TSPAN3: variants seen among roughly 807,000 people sequenced by gnomAD.
TSPAN3 encodes tetraspanin-3.
Under a neutral mutation model 31.1 loss-of-function variants are expected in TSPAN3, and 9 were observed. The ratio of observed to expected loss-of-function variants is 0.29; its 90% CI spans 0.17 to 0.50. TSPAN3 has a LOEUF of 0.50. Among genes scored for constraint, TSPAN3 ranks in the 20% least tolerant of loss-of-function variants. The probability of loss-of-function intolerance (pLI) is 0.98; values close to 1 mark genes in which losing one functional copy is unlikely to be tolerated. For missense variants in TSPAN3, 252 were observed against 313.5 expected (o/e 0.80, Z 1.48); for synonymous variants, 129 against 114.3 (o/e 1.13, Z -0.82).
intron 5 of TSPAN3, 23 bp from the exon 6 acceptor site, chr15:77,052,491 C>G (rs781412202): frequency 3.1e-6 from 5 of 1,604,218 alleles, no homozygotes; most frequent in Non-Finnish European, 4.3e-6. Context: ...CAGTCATCCT[C>G]GTTAGAAGTG....
intron 3 of TSPAN3, 185 bp downstream of exon 3, chr15:77,055,604 T>A (rs1257752367): frequency 1.8e-6 from 1 of 551,884 alleles, no homozygotes; most frequent in Non-Finnish European, 3.2e-6. Flanking sequence ...CACTCTGCTA[T>A]ATTAAATGAG....
At chr15:77,051,685 GAA>G (rs76151770) in intron 6 of TSPAN3, among the ~76,000 whole-genome samples, 3 of 137,800 alleles carry the variant, frequency 2.2e-5, no homozygotes, top group African/African-American at 2.7e-5. Flanking sequence ...CCCATTTCTG[GAA>G]AAAAAAAAAA....
chr15:77,053,145 T>A (rs1450141628), intron 4 of TSPAN3, among the ~76,000 whole-genome samples: 1 of 152,122 alleles, frequency 6.6e-6, no homozygotes, highest in Non-Finnish European at 1.5e-5. Flanking sequence ...AACTGCATTT[T>A]AAATTTTAAT....
At position 77,054,077 on chromosome 15, in the gene TSPAN3, T is replaced by C. The variant is rs75579386; in HGVS notation, c.432+101A>G. 2.2e-3 allele frequency: 1,847 copies of C among 822,748 alleles called. 24 individuals are homozygous for C. In the African/African-American group the frequency reaches 0.029, roughly 13 times the overall value. 51.0% of individuals were successfully genotyped at this position (822,748 alleles called of 1,614,324 possible). A position where few individuals can be genotyped will look rare whatever the true frequency, so the allele number is the denominator to read the frequency against. ...TTGGTCACATCAGGATAGCCATGTA[T>C]GTGAAGAAACATGGCTAATTTACAC... is the stretch of plus-strand genomic sequence containing the variant. On this transcript the variant is annotated intron_variant, in intron 4 of 6. Coordinates refer to ENST00000267970, the MANE Select transcript of TSPAN3 (RefSeq NM_005724.6).
At chr15:77,062,853 G>C (rs906724976) in intron 1 of TSPAN3, among the ~76,000 whole-genome samples, 1 of 152,148 alleles carries the variant, frequency 6.6e-6, no homozygotes, top group African/African-American at 2.4e-5. Flanking sequence ...TTTTCTTAAA[G>C]CATCATTTAA....
At chr15:77,048,046 G>A (rs2076705922) in intron 6 of TSPAN3, among the ~76,000 whole-genome samples, 1 of 152,024 alleles carries the variant, frequency 6.6e-6, no homozygotes, top group Non-Finnish European at 1.5e-5. Context: ...CTGCCCATTC[G>A]GGATATATAT....
intron 4 of TSPAN3, among the ~76,000 whole-genome samples, chr15:77,053,426 C>A (rs2076744615): frequency 2.0e-5 from 2 of 100,190 alleles, no homozygotes; most frequent in Admixed American, 1.5e-4. Context: ...CCAGCCTGGG[C>A]AACAAGAGTG....
At chr15:77,048,986 T>C (rs888092391) in intron 6 of TSPAN3, among the ~76,000 whole-genome samples, 1 of 152,204 alleles carries the variant, frequency 6.6e-6, no homozygotes, top group African/African-American at 2.4e-5. Flanking sequence ...TCATACATTC[T>C]GATACTGTAA....
chr15:77,062,154 C>T (rs1190812027), intron 1 of TSPAN3, among the ~76,000 whole-genome samples: 1 of 152,098 alleles, frequency 6.6e-6, no homozygotes, highest in Admixed American at 6.5e-5. Context: ...TTTCATATAC[C>T]TCTTTTCTCT....
At chr15:77,049,677 TTTTC>T (rs1202909237) in intron 6 of TSPAN3, among the ~76,000 whole-genome samples, 1 of 152,190 alleles carries the variant, frequency 6.6e-6, no homozygotes, top group Non-Finnish European at 1.5e-5. Flanking sequence ...TTTTTCAGGT[TTTTC>T]TTTCTTGGTC....
intron 1 of TSPAN3, among the ~76,000 whole-genome samples, chr15:77,056,597 TTTGCTCACTACAG>T (rs930596193): frequency 9.2e-5 from 14 of 152,080 alleles, no homozygotes; most frequent in African/African-American, 2.9e-4. Context: ...TAGGGGGATC[TTTGCTCACTACAG>T]TTGCCCTCAA....
intron 1 of TSPAN3, chr15:77,067,592 T>A (rs1240238368): frequency 4.6e-5 from 7 of 152,232 alleles, no homozygotes; most frequent in Admixed American, 4.6e-4. Context: ...ATAAGCTCTA[T>A]GGAGAGTATG....
intron 1 of TSPAN3, chr15:77,065,030 G>A (rs1398292521): frequency 1.3e-5 from 2 of 152,168 alleles, no homozygotes; most frequent in African/African-American, 4.8e-5. Flanking sequence ...AAACCTCTTA[G>A]TAATTTGAAC....
At chr15:77,062,831 A>G (rs1379088862) in intron 1 of TSPAN3, among the ~76,000 whole-genome samples, 3 of 152,232 alleles carry the variant, frequency 2.0e-5, no homozygotes, top group African/African-American at 7.2e-5. Context: ...GTCTGCATTC[A>G]GCCCTGAAAT....
intron 5 of TSPAN3, 53 bp from the exon 6 acceptor site, chr15:77,052,521 G>A (rs546791107): frequency 1.9e-6 from 3 of 1,541,794 alleles, no homozygotes; most frequent in East Asian, 4.5e-5. Context: ...AGTTAAAGCT[G>A]CAGATTCACA....
At chr15:77,065,358 T>C (rs2076825843) in intron 1 of TSPAN3, among the ~76,000 whole-genome samples, 1 of 152,218 alleles carries the variant, frequency 6.6e-6, no homozygotes, top group Non-Finnish European at 1.5e-5. Context: ...GCTCAAATAG[T>C]AGTGTTATAT....
At chr15:77,050,796 T>C (rs967676974) in intron 6 of TSPAN3, among the ~76,000 whole-genome samples, 13 of 152,220 alleles carry the variant, frequency 8.5e-5, no homozygotes, top group African/African-American at 3.1e-4. Context: ...ATCATCAGAT[T>C]ACTGCTATGC....
chr15:77,053,984 T>C (rs998488286), intron 4 of TSPAN3, among the ~76,000 whole-genome samples, 194 bp downstream of exon 4: 22 of 152,082 alleles, frequency 1.4e-4, no homozygotes, highest in African/African-American at 4.8e-4. Flanking sequence ...TAAAAAAAAG[T>C]TCAAGATGTT....
intron 1 of TSPAN3, among the ~76,000 whole-genome samples, chr15:77,056,614 C>T (rs1411976658): frequency 6.6e-6 from 1 of 151,968 alleles, no homozygotes; most frequent in African/African-American, 2.4e-5. Flanking sequence ...ACTACAGTTG[C>T]CCTCAATAAG....
Sources: gnomAD v4.1 joint callset for allele counts (sites outside exome capture counted in the v4.1 genomes callset) on GRCh38, gnomAD v4.1.1 for gene constraint, MANE v1.5 for transcripts, NCBI Gene and HGNC (gene_info 2026-07-23, HGNC 2026-07-21) for gene names.